The following SPATA16 variants were observed in gnomAD, a reference collection of about 807,000 sequenced individuals.
The protein encoded by SPATA16 is spermatogenesis-associated protein 16.
A neutral mutation model predicts 63.3 loss-of-function variants in SPATA16; 36 were observed. That is an observed-to-expected ratio of 0.57 (90% CI 0.44 to 0.75). The LOEUF is 0.75. Ranked by LOEUF, SPATA16 falls within the 30% of genes least tolerant of loss-of-function variation. The probability of loss-of-function intolerance (pLI) is 0.00; values close to 1 mark genes in which losing one functional copy is unlikely to be tolerated. For synonymous variants in SPATA16, 203 were observed against 216.7 expected (o/e 0.94, Z 0.56); for missense variants, 646 against 679.3 (o/e 0.95, Z 0.54).
intron 2 of SPATA16, among the ~76,000 whole-genome samples, chr3:173,058,293 TC>T: frequency 6.6e-6 from 1 of 152,142 alleles, no homozygotes; most frequent in East Asian, 1.9e-4. Flanking sequence ...GAGAAATTTT[TC>T]TAGTGACATT....
intron 4 of SPATA16, among the ~76,000 whole-genome samples, chr3:172,994,939 C>T (rs1734662718): frequency 6.6e-6 from 1 of 151,902 alleles, no homozygotes; most frequent in African/African-American, 2.4e-5. Context: ...ACATGTTTTG[C>T]TTGAAATGCC....
intron 3 of SPATA16, among the ~76,000 whole-genome samples, chr3:173,039,941 A>G (rs1735799608): frequency 6.6e-6 from 1 of 152,124 alleles, no homozygotes; most frequent in Admixed American, 6.6e-5. Flanking sequence ...ATCTTTTGCA[A>G]TTTGGAAGGC....
At chr3:172,985,014 G>T (rs1734412655) in intron 4 of SPATA16, among the ~76,000 whole-genome samples, 1 of 152,142 alleles carries the variant, frequency 6.6e-6, no homozygotes, top group Non-Finnish European at 1.5e-5. Context: ...AGATATATGG[G>T]ACGCCTGAGG....
intron 4 of SPATA16, among the ~76,000 whole-genome samples, chr3:173,001,268 G>GTTTTTTTTTTGTT (rs1553790842): frequency 7.3e-6 from 1 of 137,594 alleles, no homozygotes; most frequent in Admixed American, 7.2e-5. Flanking sequence ...CTTCTCAGTT[G>GTTTTTTTTTTGTT]TTTTTTTTTT....
intron 4 of SPATA16, among the ~76,000 whole-genome samples, chr3:173,010,958 A>G (rs1424952247): frequency 6.6e-6 from 1 of 152,040 alleles, no homozygotes; most frequent in Non-Finnish European, 1.5e-5. Flanking sequence ...CCTACCAACC[A>G]AAAAAAGACC....
chr3:173,032,369 A>G (rs1041502056), intron 3 of SPATA16, among the ~76,000 whole-genome samples: 1 of 152,152 alleles, frequency 6.6e-6, no homozygotes, highest in African/African-American at 2.4e-5. Flanking sequence ...AAGAAATGTT[A>G]TATGGTCTAT....
intron 5 of SPATA16, among the ~76,000 whole-genome samples, chr3:172,961,016 TTTTCTCTC>T (rs149212220): frequency 0.37 from 46,090 of 125,532 alleles, 10,663 homozygotes; most frequent in Non-Finnish European, 0.45. Flanking sequence ...CTTTCTTTCT[TTTTCTCTC>T]TTTCTCTCTT....
Position 172,951,986 on chromosome 3 carries a change from T to C in SPATA16, c.1081+4691A>G, listed in dbSNP as rs558392478. Among the ~76,000 whole-genome samples the C allele has an allele frequency of 2.6e-5, 4 of 152,352 alleles. No homozygotes were observed. In the South Asian group the frequency reaches 8.3e-4, roughly 32 times the overall value. On this transcript the variant is annotated intron_variant, in intron 6 of 10. Coordinates refer to ENST00000351008, the MANE Select transcript of SPATA16 (RefSeq NM_031955.6). ...TCTATAATTTAGAAATTCTTACATA[T>C]AGCTTCCATTTGTCTTGCTGCAGTG...
At chr3:172,933,405 A>G (rs961261178) in intron 6 of SPATA16, among the ~76,000 whole-genome samples, 2 of 152,188 alleles carry the variant, frequency 1.3e-5, no homozygotes, top group African/African-American at 4.8e-5. Context: ...TCATTCAATC[A>G]TAAGCATATG....
intron 2 of SPATA16, among the ~76,000 whole-genome samples, chr3:173,087,493 C>A (rs1737087826): frequency 6.6e-6 from 1 of 152,122 alleles, no homozygotes; most frequent in Non-Finnish European, 1.5e-5. Context: ...TATTCTGTGT[C>A]TTTTAATTGG....
At chr3:173,123,917 T>G (rs896542016) in intron 1 of SPATA16, among the ~76,000 whole-genome samples, 4 of 152,136 alleles carry the variant, frequency 2.6e-5, no homozygotes, top group Non-Finnish European at 5.9e-5. Flanking sequence ...TATTAGATTT[T>G]TAGTGTTTTT....
At chr3:173,054,231 A>C (rs1229086436) in intron 2 of SPATA16, among the ~76,000 whole-genome samples, 2 of 152,182 alleles carry the variant, frequency 1.3e-5, no homozygotes, top group East Asian at 3.9e-4. Flanking sequence ...TACATACATA[A>C]ATACTTTATA....
At chr3:173,137,803 G>A (rs1307483657) in intron 1 of SPATA16, among the ~76,000 whole-genome samples, 3 of 143,810 alleles carry the variant, frequency 2.1e-5, no homozygotes, top group Non-Finnish European at 3.0e-5. Flanking sequence ...CTGCTCTGAG[G>A]GGGATCCCAT....
At chr3:172,940,432 C>T (rs749595723) in intron 6 of SPATA16, among the ~76,000 whole-genome samples, 2 of 152,048 alleles carry the variant, frequency 1.3e-5, no homozygotes, top group Non-Finnish European at 2.9e-5. Context: ...GAAAATATCC[C>T]AGAGATGGCA....
At chr3:172,961,065 T>TCCTTC (rs147947230) in intron 5 of SPATA16, among the ~76,000 whole-genome samples, 6 of 40,144 alleles carry the variant, frequency 1.5e-4, no homozygotes, top group South Asian at 8.1e-4. Flanking sequence ...CTTTCTTTCT[T>TCCTTC]CTTTCTTCCT....
chr3:173,028,819 TC>T (rs1242839306), intron 3 of SPATA16, among the ~76,000 whole-genome samples: 1 of 152,048 alleles, frequency 6.6e-6, no homozygotes, highest in African/African-American at 2.4e-5. Flanking sequence ...TCCCTTGAAT[TC>T]ATCTATAGTT....
intron 2 of SPATA16, among the ~76,000 whole-genome samples, chr3:173,093,770 TC>T (rs1472992754): frequency 1.3e-5 from 2 of 152,166 alleles, no homozygotes; most frequent in Non-Finnish European, 2.9e-5. Context: ...ATACAGTCAC[TC>T]CTTACACAAT....
At chr3:172,988,972 A>C (rs545219273) in intron 4 of SPATA16, among the ~76,000 whole-genome samples, 1 of 152,138 alleles carries the variant, frequency 6.6e-6, no homozygotes, top group African/African-American at 2.4e-5. Flanking sequence ...ACATGTGCTA[A>C]TTTTTATGAG....
intron 4 of SPATA16, among the ~76,000 whole-genome samples, chr3:172,983,373 A>G (rs1044441224): frequency 2.0e-5 from 3 of 149,270 alleles, no homozygotes; most frequent in Admixed American, 6.7e-5. Flanking sequence ...TGCTTTTCCA[A>G]TTTATTTAAG....
Sources: gnomAD v4.1 joint callset for allele counts (sites outside exome capture counted in the v4.1 genomes callset) on GRCh38, gnomAD v4.1.1 for gene constraint, MANE v1.5 for transcripts, NCBI Gene and HGNC (gene_info 2026-07-23, HGNC 2026-07-21) for gene names.